ZZEF1: variants seen among roughly 807,000 people sequenced by gnomAD.
The protein encoded by ZZEF1 is zinc finger ZZ-type and EF-hand domain containing 1.
ZZEF1 carries 157 observed loss-of-function variants against 342.8 expected under a neutral mutation model. The observed-to-expected ratio is 0.46, with a 90% CI of 0.40 to 0.52. The LOEUF (loss-of-function observed/expected upper bound fraction) is 0.52, where lower values mean the gene tolerates loss of function less well. Ranked by LOEUF, ZZEF1 falls within the 20% of genes least tolerant of loss-of-function variation. The pLI, the probability that ZZEF1 is intolerant of heterozygous loss-of-function variation, is 0.00. For synonymous variants in ZZEF1, 1,505 were observed against 1,429.1 expected, an observed-to-expected ratio of 1.05 and a Z score of -1.20; for missense variants, 3,480 against 3,725.6, an observed-to-expected ratio of 0.93 and a Z score of 1.72.
chr17:4,006,391 T>C lies in ZZEF1; in HGVS notation c.*499A>G, dbSNP rs1250016342. 2 of 218,728 alleles carry C rather than the reference T, an allele frequency of 9.1e-6. No individual in the cohort carries two copies. Among genetic ancestry groups the C allele is most frequent in the Non-Finnish European group, 1.8e-5 (2 of 108,320 alleles). 13.5% of individuals were successfully genotyped at this position (218,728 alleles called of 1,614,324 possible). A position where few individuals can be genotyped will look rare whatever the true frequency, so the allele number is the denominator to read the frequency against. On this transcript the variant is annotated 3_prime_UTR_variant, in exon 55 of 55. Transcript: ENST00000381638. Reference sequence around the variant, plus strand: ...TGGATGCTTGGGGATCACTGGTGGCTAGGAGGGGCTCTCGCCAGTTTTGGT... The same window carrying C: ...TGGATGCTTGGGGATCACTGGTGGCCAGGAGGGGCTCTCGCCAGTTTTGGT...
At position 4,058,173 on chromosome 17, in the gene ZZEF1, T is replaced by C. The variant is rs1238967250; in HGVS notation, c.5004-18A>G. ...GCAAGGACCTAAAGGGCCATGAAAG[T>C]GACCATTAGCAGAGCTGCTTACTCC... On this transcript the variant is annotated intron_variant, in intron 31 of 54. Coordinates refer to ENST00000381638, the MANE Select transcript of ZZEF1 (RefSeq NM_015113.4). 1 of 1,605,112 alleles carries C rather than the reference T, an allele frequency of 6.2e-7. No homozygotes were observed. Among genetic ancestry groups the C allele is most frequent in the Non-Finnish European group, 8.5e-7 (1 of 1,175,576 alleles).
intron 44 of ZZEF1, 145 bp downstream of exon 44, chr17:4,022,564 G>A (rs2056296960): frequency 1.8e-6 from 2 of 1,107,304 alleles, no homozygotes; most frequent in South Asian, 3.0e-5. Flanking sequence ...TTTCCAACAG[G>A]GAATACAGAA....
intron 25 of ZZEF1, among the ~76,000 whole-genome samples, chr17:4,072,328 C>T (rs1378937158): frequency 3.3e-5 from 5 of 152,208 alleles, no homozygotes; most frequent in African/African-American, 1.2e-4. Flanking sequence ...ACTAGAAGTA[C>T]ACTCAATTGT....
intron 9 of ZZEF1, among the ~76,000 whole-genome samples, chr17:4,099,668 C>T (rs1168594223): frequency 6.6e-6 from 1 of 151,948 alleles, no homozygotes; most frequent in African/African-American, 2.4e-5. Flanking sequence ...GCCTCAGCCT[C>T]CCAAGTAGCT....
intron 26 of ZZEF1, 57 bp downstream of exon 26, chr17:4,070,627 T>G: frequency 6.4e-7 from 1 of 1,560,634 alleles, no homozygotes. Context: ...AAGATAGGCT[T>G]TCTTAAAACT....
At chr17:4,130,737 G>C (rs1432170437) in intron 1 of ZZEF1, among the ~76,000 whole-genome samples, 3 of 152,116 alleles carry the variant, frequency 2.0e-5, no homozygotes, top group Non-Finnish European at 4.4e-5. Flanking sequence ...ACGTAGGGGA[G>C]GAAATCACTA....
At position 4,008,910 on chromosome 17, in the gene ZZEF1, G is replaced by A. The variant is rs1183211253; in HGVS notation, c.8778C>T (p.Asp2926=). Reference sequence around the variant, plus strand: ...GTGCCGCACAGCGGAGAAGGTGGTCGTCCGTGGTTAGGGCCAGCAGGTAAT... The same window carrying A: ...GTGCCGCACAGCGGAGAAGGTGGTCATCCGTGGTTAGGGCCAGCAGGTAAT... ...LQDYLLALTT[D]DHLLRCAAQA... Residue 2926 remains aspartate, a synonymous_variant, in exon 54 of 55, where the codon GAC becomes GAT. Transcript: ENST00000381638. The surrounding 1 kb of genome is among the most constrained non-coding windows in gnomAD (Gnocchi z 4.2). 13 of 1,546,160 alleles carry A rather than the reference G, an allele frequency of 8.4e-6. No individual in the cohort carries two copies. The highest frequency in any genetic ancestry group is 2.7e-5 in the African/African-American group (2 of 73,354).
intron 39 of ZZEF1, among the ~76,000 whole-genome samples, chr17:4,040,636 T>C (rs148311622): frequency 6.6e-6 from 1 of 152,300 alleles, no homozygotes; most frequent in African/African-American, 2.4e-5. Context: ...ATAAGAAATA[T>C]GACACAGACT....
At chr17:4,108,031 C>T (rs2058239828) in intron 6 of ZZEF1, among the ~76,000 whole-genome samples, 1 of 152,178 alleles carries the variant, frequency 6.6e-6, no homozygotes, top group East Asian at 1.9e-4. Flanking sequence ...CTGTGGCTGA[C>T]TATAATCTAG....
At chr17:4,077,841 C>A in intron 19 of ZZEF1, 42 bp downstream of exon 19, 1 of 1,603,558 alleles carries the variant, frequency 6.2e-7, no homozygotes, top group Non-Finnish European at 8.5e-7. Flanking sequence ...GAGTCAAAAC[C>A]CAAACGCCAT....
Position 4,016,543 on chromosome 17 carries a change from C to T in ZZEF1, c.8002-77G>A, listed in dbSNP as rs1020027696. 19 of 1,518,360 alleles carry T rather than the reference C, an allele frequency of 1.3e-5. No individual in the cohort carries two copies. In the East Asian group the frequency reaches 4.3e-4, roughly 35 times the overall value. The allele number at this position is 1,518,360 out of a possible 1,614,324, so 94.1% of individuals were successfully genotyped here. On this transcript the variant is annotated intron_variant, in intron 48 of 54. Transcript: ENST00000381638. The surrounding 1 kb of genome is among the most constrained non-coding windows in gnomAD (Gnocchi z 4.4). ...AAGGGACAGTTTACTTCAACCCAAG[C>T]TCCACCCAAAGGTGCTGGCATCATC...
At position 4,118,245 on chromosome 17, in the gene ZZEF1, C is replaced by A. The variant is rs566838235; in HGVS notation, c.500-1079G>T. On this transcript the variant is annotated intron_variant, in intron 2 of 54. Transcript: ENST00000381638. ...GATGATGGAATGCTGCTGTGCACAC[C>A]CAACTTTAGGCTGGATGGGTCAGAA... is the stretch of plus-strand genomic sequence containing the variant. Among the ~76,000 whole-genome samples, 27 of 152,234 alleles carry A rather than the reference C, an allele frequency of 1.8e-4. No individual in the cohort carries two copies. In the South Asian group the frequency reaches 5.6e-3, roughly 32 times the overall value.
chr17:4,110,308 G>A (rs780150918), intron 5 of ZZEF1, among the ~76,000 whole-genome samples: 1 of 152,194 alleles, frequency 6.6e-6, no homozygotes, highest in African/African-American at 2.4e-5. Context: ...AGATGACACA[G>A]ACATGACTCA....
At chr17:4,109,383 A>C (rs887078034) in intron 6 of ZZEF1, among the ~76,000 whole-genome samples, 5 of 152,206 alleles carry the variant, frequency 3.3e-5, no homozygotes, top group Non-Finnish European at 5.9e-5. Context: ...TGGTCCACTT[A>C]GTGAGCTGAT....
rs1265756887 is a variant in ZZEF1, at chr17:4,062,908, C to T, written c.4728G>A (p.Lys1576=). The T allele has an allele frequency of 6.2e-7, 1 of 1,610,340 alleles. No homozygotes were observed. The highest frequency in any genetic ancestry group is 8.5e-7 in the Non-Finnish European group (1 of 1,178,572). Residue 1576 remains lysine (K), a synonymous_variant, in exon 30 of 55, where the codon AAG becomes AAA. Coordinates refer to ENST00000381638, the MANE Select transcript of ZZEF1 (RefSeq NM_015113.4). ...CCTGGGCTTTCCTCAGGGAAAGAAC[C>T]TTCACAACACTGGAGACACAATGCA... ...DQSLSHRSVV[K]VLSLRKAQAQ...
chr17:4,021,195 G>A lies in ZZEF1; in HGVS notation c.7338C>T (p.Gly2446=), dbSNP rs143702065. The change falls in exon 45 of 55, where the codon GGC becomes GGT. Residue 2446 remains glycine, a synonymous_variant. Coordinates refer to ENST00000381638, the MANE Select transcript of ZZEF1 (RefSeq NM_015113.4). ...GGTCCAGCTTTTTCTGCTCTGGGTC[G>A]CCAGGGCTGCTGACTGGCCGTTCCA... is the stretch of plus-strand genomic sequence containing the variant. ...EEVERPVSSP[G]DPEQKKLDPL... 2.2e-4 allele frequency: 361 copies of A among 1,614,036 alleles called. No individual in the cohort carries two copies. The Middle Eastern group carries it at 4.6e-3, about 21-fold the overall frequency.
chr17:4,048,990 T>G (rs1206799801), intron 37 of ZZEF1, among the ~76,000 whole-genome samples: 1 of 151,536 alleles, frequency 6.6e-6, no homozygotes, highest in Non-Finnish European at 1.5e-5. Context: ...AGTGCTGGGA[T>G]TACAGGCCAC....
chr17:4,052,922 AAC>A (rs2057081842), intron 34 of ZZEF1, among the ~76,000 whole-genome samples: 1 of 152,094 alleles, frequency 6.6e-6, no homozygotes, highest in Admixed American at 6.5e-5. Flanking sequence ...GAGAGAGAAT[AAC>A]AGTCAGGAAA....
chr17:4,136,274 G>A (rs558577684), intron 1 of ZZEF1, among the ~76,000 whole-genome samples: 132 of 150,916 alleles, frequency 8.7e-4, no homozygotes, highest in African/African-American at 3.1e-3. Context: ...AAACTGGGAG[G>A]TGGAGGTTGC....
Sources: allele counts gnomAD v4.1 joint callset (sites outside exome capture counted in the v4.1 genomes callset), GRCh38; gene constraint gnomAD v4.1.1; non-coding constraint Gnocchi (gnomAD v3.1); transcripts MANE v1.5; gene names NCBI Gene and HGNC (gene_info 2026-07-23, HGNC 2026-07-21).